Variants in RHOBTB3 observed in about 807,000 individuals in gnomAD.
RHOBTB3 encodes rho-related BTB domain-containing protein 3.
A neutral mutation model predicts 67.2 loss-of-function variants in RHOBTB3; 47 were observed. That is an observed-to-expected ratio of 0.70 (90% confidence interval 0.55 to 0.89). RHOBTB3 has a LOEUF of 0.89. Ranked by LOEUF, RHOBTB3 falls within the 40% of genes least tolerant of loss-of-function variation. The probability of loss-of-function intolerance (pLI) is 0.00; values close to 1 mark genes in which losing one functional copy is unlikely to be tolerated. For synonymous variants in RHOBTB3, 273 were observed against 274.2 expected, an observed-to-expected ratio of 1.00 and a Z score of 0.04; for missense variants, 631 against 750.0, an observed-to-expected ratio of 0.84 and a Z score of 1.85.
At chr5:95,788,991 A>G in intron 11 of RHOBTB3, 133 bp downstream of exon 11, 1 of 587,762 alleles carries the variant, frequency 1.7e-6, no homozygotes, top group Non-Finnish European at 2.9e-6. Context: ...TAAATTATGC[A>G]GTGTGGTAAT....
intron 5 of RHOBTB3, among the ~76,000 whole-genome samples, chr5:95,752,994 A>C (rs919444748): frequency 2.0e-5 from 3 of 151,954 alleles, no homozygotes; most frequent in African/African-American, 7.2e-5. Flanking sequence ...TAGCCGGGTG[A>C]GGTGGCAGGC....
chr5:95,769,307 C>T, intron 8 of RHOBTB3: 2 of 470,900 alleles, frequency 4.2e-6, no homozygotes, highest in Admixed American at 4.2e-5. Context: ...AAGATGTTGC[C>T]AGTAACACAA....
At chr5:95,785,052 AC>A (rs1393945922) in intron 10 of RHOBTB3, among the ~76,000 whole-genome samples, 1 of 152,226 alleles carries the variant, frequency 6.6e-6, no homozygotes, top group African/African-American at 2.4e-5. Flanking sequence ...AAGCATGACA[AC>A]TTTTATCTCC....
At position 95,742,726 on chromosome 5, in the gene RHOBTB3, T is replaced by C. The variant is rs182632246; in HGVS notation, c.416-5607T>C. ...AAAGCTTTTCATACCAGATCTCTAA[T>C]GGCTGTTTTCATAAGTTCTTGTTCC... On this transcript the variant is annotated intron_variant, in intron 3 of 11. Coordinates refer to ENST00000379982, the MANE Select transcript of RHOBTB3 (RefSeq NM_014899.4). 1.9e-3 allele frequency among the ~76,000 whole-genome samples: 289 copies of C among 152,374 alleles called. 2 individuals carry two copies. The highest frequency in any genetic ancestry group is 6.9e-3 in the African/African-American group (285 of 41,584).
At chr5:95,728,299 A>G, upstream of RHOBTB3, among the ~76,000 whole-genome samples, 1 of 152,148 alleles carries the variant, frequency 6.6e-6, no homozygotes, top group Non-Finnish European at 1.5e-5. Flanking sequence ...TGCCAGCACT[A>G]ACTTCATCTC....
chr5:95,766,630 C>A (rs1455620586), intron 7 of RHOBTB3, among the ~76,000 whole-genome samples: 1 of 147,668 alleles, frequency 6.8e-6, no homozygotes, highest in Non-Finnish European at 1.5e-5. Flanking sequence ...GAAAGCAAAG[C>A]AAAGAAAAAA....
chr5:95,735,259 CTTTTTTTT>C (rs10718378), intron 2 of RHOBTB3, among the ~76,000 whole-genome samples: 4 of 133,690 alleles, frequency 3.0e-5, no homozygotes, highest in African/African-American at 1.1e-4. Flanking sequence ...CATATTTTGC[CTTTTTTTT>C]TTTTTTTTGG....
intron 4 of RHOBTB3, 83 bp from the exon 5 acceptor site, chr5:95,752,156 A>C (rs1745108956): frequency 6.3e-6 from 5 of 790,168 alleles, no homozygotes; most frequent in Admixed American, 2.4e-5. Flanking sequence ...AAAATGTTTG[A>C]CAATTGTGAC....
At chr5:95,768,296 C>A in intron 8 of RHOBTB3, 130 bp downstream of exon 8, 2 of 754,124 alleles carry the variant, frequency 2.7e-6, no homozygotes, top group African/African-American at 1.7e-5. Context: ...TAGATTAATA[C>A]TACCTTAATG....
At chr5:95,731,000 A>G, upstream of RHOBTB3, 1 of 631,178 alleles carries the variant, frequency 1.6e-6, no homozygotes, top group Non-Finnish European at 2.5e-6. Context: ...TCCAGTCCGG[A>G]GTGAGCGGGG....
In RHOBTB3 at chr5:95,739,624, C is replaced by T. The variant is rs544035470; in HGVS notation, c.415+2549C>T. On this transcript the variant is annotated intron_variant, in intron 3 of 11. Coordinates refer to ENST00000379982, the MANE Select transcript of RHOBTB3 (RefSeq NM_014899.4). ...GGAGTGCAGTGGCATGATCATAGCT[C>T]ACTGCAACCTGGACCTCCTGGGCTT... Among the ~76,000 whole-genome samples, 5 of 152,244 alleles carry T rather than the reference C, an allele frequency of 3.3e-5. No individual in the cohort carries two copies. The East Asian group carries it at 9.7e-4, about 29-fold the overall frequency.
chr5:95,793,155 G>A lies in RHOBTB3; in HGVS notation c.1817G>A (p.Cys606Tyr). The change falls in exon 12 of 12, where the codon TGT (cysteine) becomes TAT (tyrosine). Residue 606 changes from cysteine (C) to tyrosine (Y), a missense_variant. Cys to Tyr is a radical substitution (Grantham distance 194, BLOSUM62 -2). Transcript: ENST00000379982. The part of the protein sequence containing the change: ...EYRKYIHSRK[C>Y]RCLVM ...AGGAAGTATATTCACTCCCGGAAAT[G>A]TCGTTGCTTAGTAATGTAACCTGGA... is the stretch of plus-strand genomic sequence containing the variant. 6.2e-7 allele frequency: 1 copy of A among 1,610,558 alleles called. No homozygotes were observed. The highest frequency in any genetic ancestry group is 8.5e-7 in the Non-Finnish European group (1 of 1,177,816).
chr5:95,787,227 G>A (rs760087879), intron 10 of RHOBTB3, among the ~76,000 whole-genome samples: 5 of 152,054 alleles, frequency 3.3e-5, no homozygotes, highest in African/African-American at 7.3e-5. Flanking sequence ...GGTTAATCAC[G>A]TAACAGTAGT....
chr5:95,783,561 C>CAAAAA lies in RHOBTB3; in HGVS notation c.1457-216_1457-212dup, dbSNP rs201633409. Reference sequence around the variant, plus strand: ...GGCAACATAGTGAGACCTGTCTCTACAAAAAAAAAAAAAAAAAAAAAAAAG... The same window carrying CAAAAA: ...GGCAACATAGTGAGACCTGTCTCTACAAAAAAAAAAAAAAAAAAAAAAAAAAAAAG... On this transcript the variant is annotated intron_variant, in intron 9 of 11. Coordinates refer to ENST00000379982, the MANE Select transcript of RHOBTB3 (RefSeq NM_014899.4). 1.3e-3 allele frequency: 145 copies of CAAAAA among 107,580 alleles called. 1 individual carries two copies. The highest frequency in any genetic ancestry group is 3.0e-3 in the East Asian group (9 of 3,044). The allele number at this position is 107,580 out of a possible 1,614,324, so 6.7% of individuals were successfully genotyped here.
At chr5:95,731,056 C>A (rs1755215572), upstream of RHOBTB3, 1 of 1,059,636 alleles carries the variant, frequency 9.4e-7, no homozygotes, top group Non-Finnish European at 1.2e-6. Flanking sequence ...TACGGCCTTG[C>A]GAGTTGAACA....
At chr5:95,724,831 G>T (rs1004490806) in intron 1 of RHOBTB3, among the ~76,000 whole-genome samples, 1 of 152,108 alleles carries the variant, frequency 6.6e-6, no homozygotes, top group African/African-American at 2.4e-5. Flanking sequence ...AGAATTAAAT[G>T]AGTCAAAATT....
intron 2 of RHOBTB3, among the ~76,000 whole-genome samples, chr5:95,733,634 A>G (rs763424933): frequency 1.4e-4 from 22 of 152,154 alleles, no homozygotes; most frequent in Non-Finnish European, 2.5e-4. Context: ...TATCTTGCTA[A>G]TAACTTTTTG....
At chr5:95,731,112 C>A, upstream of RHOBTB3, 2 of 1,084,678 alleles carry the variant, frequency 1.8e-6, no homozygotes, top group South Asian at 4.4e-5. Flanking sequence ...CGGGCTGGGG[C>A]GTTGTATTTA....
intron 6 of RHOBTB3, among the ~76,000 whole-genome samples, chr5:95,761,318 GA>G (rs1745387025): frequency 6.7e-6 from 1 of 148,830 alleles, no homozygotes; most frequent in African/African-American, 2.5e-5. Flanking sequence ...GATAATGGCT[GA>G]AATTTCTTTC....
Sources: allele counts gnomAD v4.1 joint callset (sites outside exome capture counted in the v4.1 genomes callset), GRCh38; gene constraint gnomAD v4.1.1; transcripts MANE v1.5; gene names NCBI Gene and HGNC (gene_info 2026-07-23, HGNC 2026-07-21).